Variants in SESTD1 observed in about 807,000 individuals in gnomAD.
The protein encoded by SESTD1 is SEC14 domain and spectrin repeat-containing protein 1.
SESTD1 carries 43 observed loss-of-function variants against 101.7 expected under a neutral mutation model. The observed-to-expected ratio is 0.42, with a 90% CI of 0.33 to 0.55. The LOEUF (loss-of-function observed/expected upper bound fraction) is 0.55. Among genes scored for constraint, SESTD1 ranks in the 20% least tolerant of loss-of-function variants. SESTD1 has a pLI of 0.07. For missense variants in SESTD1, 647 were observed against 815.1 expected (o/e 0.79, Z 2.51); for synonymous variants, 283 against 286.8 (o/e 0.99, Z 0.13).
chr2:179,171,638 C>G (rs1406832162), intron 5 of SESTD1, among the ~76,000 whole-genome samples: 1 of 151,964 alleles, frequency 6.6e-6, no homozygotes, highest in Admixed American at 6.6e-5. Flanking sequence ...TTCTAACCTA[C>G]AGTAAGATGC....
intron 2 of SESTD1, among the ~76,000 whole-genome samples, chr2:179,187,143 C>CA (rs1559135167): frequency 1.5e-4 from 23 of 152,250 alleles, no homozygotes; most frequent in Non-Finnish European, 2.8e-4. Flanking sequence ...CAAAAGAACA[C>CA]CTGCTACTAC....
chr2:179,125,554 C>A (rs1239025892), intron 10 of SESTD1, among the ~76,000 whole-genome samples: 1 of 152,172 alleles, frequency 6.6e-6, no homozygotes, highest in Non-Finnish European at 1.5e-5. Context: ...GGGTAACGTG[C>A]TGATGTTGTT....
chr2:179,109,537 GAAGGGCA>G lies in SESTD1; in HGVS notation c.*355_*361del. On this transcript the variant is annotated 3_prime_UTR_variant, in exon 18 of 18. Coordinates refer to ENST00000428443, the MANE Select transcript of SESTD1 (RefSeq NM_178123.5). ...TAAATTTACTAAATCACCTGTGGAGGAAGGGCAACTTTTTTTTTTCTTTTTAATAGAG... is the reference window on the plus strand; with the variant it reads ...TAAATTTACTAAATCACCTGTGGAGGACTTTTTTTTTTCTTTTTAATAGAG... The G allele has an allele frequency of 2.5e-6, 1 of 394,778 alleles. No individual in the cohort carries two copies. 24.5% of individuals were successfully genotyped at this position (394,778 alleles called of 1,614,324 possible).
At chr2:179,121,680 C>CA in intron 13 of SESTD1, 90 bp downstream of exon 13, 1 of 1,133,184 alleles carries the variant, frequency 8.8e-7, no homozygotes. Flanking sequence ...CAGTTAAGAA[C>CA]GTTTTGTCTG....
At chr2:179,232,548 G>A (rs1300698906) in intron 1 of SESTD1, among the ~76,000 whole-genome samples, 5 of 151,924 alleles carry the variant, frequency 3.3e-5, no homozygotes, top group Non-Finnish European at 5.9e-5. Context: ...ATAAAAACAC[G>A]TATTACAAAG....
In SESTD1 at chr2:179,108,128, A is replaced by C. The variant is rs1048915829; in HGVS notation, c.*1771T>G. The C allele has an allele frequency of 6.6e-6, 1 of 152,178 alleles. No individual in the cohort carries two copies. The highest frequency in any genetic ancestry group is 2.4e-5 in the African/African-American group (1 of 41,446). The allele number at this position is 152,178 out of a possible 1,614,324, so 9.4% of individuals were successfully genotyped here. ...CAACTAGGCAATTAAAAAGAAGTACAAGTCTAGATTTCTGGACCAGGTATG... is the reference window on the plus strand; with the variant it reads ...CAACTAGGCAATTAAAAAGAAGTACCAGTCTAGATTTCTGGACCAGGTATG... On this transcript the variant is annotated 3_prime_UTR_variant, in exon 18 of 18. Transcript: ENST00000428443.
chr2:179,169,617 AC>A (rs748319803), intron 5 of SESTD1, among the ~76,000 whole-genome samples: 2 of 152,168 alleles, frequency 1.3e-5, no homozygotes, highest in Non-Finnish European at 2.9e-5. Flanking sequence ...CCATCCAACA[AC>A]AGAATACTTA....
At position 179,183,170 on chromosome 2, in the gene SESTD1, C is replaced by G; in HGVS notation, c.74G>C (p.Ser25Thr). ...AFLSGGKDRRSGLILTIPLCL... is the reference protein window; with the variant it reads ...AFLSGGKDRRTGLILTIPLCL... ...TAATGGAATTGTCAAAATGAGGCCA[C>G]TCCGTCTGTCTTTTCCTCCTATTAA... Residue 25 changes from serine (S) to threonine (T), a missense_variant, in exon 3 of 18, where the codon AGT becomes ACT. Physicochemically the swap from Ser to Thr is moderately conservative, Grantham distance 58. Coordinates refer to ENST00000428443, the MANE Select transcript of SESTD1 (RefSeq NM_178123.5). 6.2e-7 allele frequency: 1 copy of G among 1,610,408 alleles called. No homozygotes were observed. Among genetic ancestry groups the G allele is most frequent in the Non-Finnish European group, 8.5e-7 (1 of 1,177,958 alleles).
intron 5 of SESTD1, among the ~76,000 whole-genome samples, chr2:179,167,181 C>T (rs1345105297): frequency 6.6e-6 from 1 of 152,106 alleles, no homozygotes; most frequent in African/African-American, 2.4e-5. Flanking sequence ...GGAATTTCAG[C>T]AAAGAGATAG....
intron 5 of SESTD1, among the ~76,000 whole-genome samples, chr2:179,161,862 A>G (rs1274476336): frequency 1.3e-5 from 2 of 152,134 alleles, no homozygotes; most frequent in African/African-American, 4.8e-5. Flanking sequence ...GAATGTGTAA[A>G]GTCTTTTATT....
intron 13 of SESTD1, 31 bp from the exon 14 acceptor site, chr2:179,117,644 C>G: frequency 1.3e-6 from 2 of 1,520,818 alleles, no homozygotes; most frequent in South Asian, 2.6e-5. Context: ...TTTAACTCAT[C>G]ATTTCTGTTT....
intron 5 of SESTD1, among the ~76,000 whole-genome samples, chr2:179,167,060 A>G (rs2045847917): frequency 1.3e-5 from 2 of 152,254 alleles, no homozygotes; most frequent in Admixed American, 1.3e-4. Flanking sequence ...TCAAGAAACA[A>G]AGCAAACAAC....
chr2:179,207,500 C>G (rs564677597), intron 1 of SESTD1, among the ~76,000 whole-genome samples: 1 of 135,336 alleles, frequency 7.4e-6, no homozygotes, highest in South Asian at 2.8e-4. Context: ...CCCCTGCCAC[C>G]TCCACCTGAG....
chr2:179,173,355 T>C lies in SESTD1; in HGVS notation c.256-1122A>G, dbSNP rs75435780. ...TACGTTTGCTTAACTGCTTATTGTC[T>C]AACTCTTCAAGTAGAATATAAAATA... On this transcript the variant is annotated intron_variant, in intron 4 of 17. Coordinates refer to ENST00000428443, the MANE Select transcript of SESTD1 (RefSeq NM_178123.5). Among the ~76,000 whole-genome samples the C allele has an allele frequency of 5.9e-5, 9 of 152,332 alleles. No homozygotes were observed. In the East Asian group the frequency reaches 1.7e-3, roughly 29 times the overall value.
intron 1 of SESTD1, among the ~76,000 whole-genome samples, chr2:179,219,343 A>T (rs1015131756): frequency 3.9e-5 from 6 of 152,244 alleles, no homozygotes; most frequent in African/African-American, 1.4e-4. Flanking sequence ...TATTTGGAAA[A>T]TTTAGTTAAA....
At chr2:179,249,832 C>T (rs1040482084) in intron 1 of SESTD1, among the ~76,000 whole-genome samples, 1 of 149,434 alleles carries the variant, frequency 6.7e-6, no homozygotes, top group African/African-American at 2.5e-5. Flanking sequence ...AAAAACAACT[C>T]GATGGAGAAA....
intron 1 of SESTD1, among the ~76,000 whole-genome samples, chr2:179,196,364 G>T (rs1002586867): frequency 6.6e-6 from 1 of 152,224 alleles, no homozygotes; most frequent in African/African-American, 2.4e-5. Flanking sequence ...CTGCAAGGTG[G>T]CAGTGAGGCT....
chr2:179,248,542 T>G (rs931219723), intron 1 of SESTD1, among the ~76,000 whole-genome samples: 1 of 150,900 alleles, frequency 6.6e-6, no homozygotes, highest in South Asian at 2.1e-4. Flanking sequence ...TCAAGGGGGG[T>G]TTATTGCAGG....
chr2:179,162,776 G>A (rs11900884), intron 5 of SESTD1, among the ~76,000 whole-genome samples: 23,648 of 150,178 alleles, frequency 0.16, 3,005 homozygotes, highest in African/African-American at 0.36. Flanking sequence ...TCACAAGGTA[G>A]GAGTTCGAGA....
Sources: gnomAD v4.1 joint callset for allele counts (sites outside exome capture counted in the v4.1 genomes callset) on GRCh38, gnomAD v4.1.1 for gene constraint, MANE v1.5 for transcripts, NCBI Gene and HGNC (gene_info 2026-07-23, HGNC 2026-07-21) for gene names.